The following CERS6 variants were observed in gnomAD, a reference collection of about 807,000 sequenced individuals.
CERS6 encodes the protein LAG1 homolog, ceramide synthase 6.
A neutral mutation model predicts 56.8 loss-of-function variants in CERS6; 26 were observed. The ratio of observed to expected loss-of-function variants is 0.46; its 90% CI spans 0.34 to 0.63. The LOEUF is 0.63. Ranked by LOEUF, CERS6 falls within the 30% of genes least tolerant of loss-of-function variation. The pLI is 0.01. For synonymous variants in CERS6, 164 were observed against 173.3 expected (o/e 0.95, Z 0.42); for missense variants, 415 against 467.5 (o/e 0.89, Z 1.04).
intron 3 of CERS6, 116 bp downstream of exon 3, chr2:168,561,438 G>T (rs1408403279): frequency 7.9e-6 from 9 of 1,136,870 alleles, no homozygotes; most frequent in Non-Finnish European, 1.1e-5. Context: ...GCAATCTGGT[G>T]GGAAAATAGT....
At chr2:168,579,814 G>A (rs746529337) in intron 3 of CERS6, among the ~76,000 whole-genome samples, 7 of 152,098 alleles carry the variant, frequency 4.6e-5, no homozygotes, top group Non-Finnish European at 8.8e-5. Context: ...CTCTCGCTGC[G>A]TGTCAGTGAT....
intron 3 of CERS6, among the ~76,000 whole-genome samples, chr2:168,620,182 AAAACC>A (rs1684435098): frequency 6.6e-6 from 1 of 152,024 alleles, no homozygotes; most frequent in African/African-American, 2.4e-5. Context: ...TCAGGAATGG[AAAACC>A]AAACATCGTA....
At chr2:168,555,722 CTGTGTGTGTGTGTGTGTGTGTGTGTG>C (rs58781728) in intron 2 of CERS6, among the ~76,000 whole-genome samples, 2 of 140,920 alleles carry the variant, frequency 1.4e-5, no homozygotes, top group African/African-American at 2.8e-5. Flanking sequence ...ATAATTGACT[CTGTGTGTGTGTGTGTGTGTGTGTGTG>C]TGTGTGTGTG....
chr2:168,545,987 T>G (rs1171098493), intron 1 of CERS6, among the ~76,000 whole-genome samples: 1 of 152,206 alleles, frequency 6.6e-6, no homozygotes, highest in Non-Finnish European at 1.5e-5. Context: ...AAATGCATTT[T>G]GTGGTCTTAC....
intron 1 of CERS6, among the ~76,000 whole-genome samples, chr2:168,542,040 T>C (rs1695382482): frequency 6.6e-6 from 1 of 152,222 alleles, no homozygotes; most frequent in Non-Finnish European, 1.5e-5. Context: ...CACTCTTTAC[T>C]GGTTGCTTGC....
intron 1 of CERS6, among the ~76,000 whole-genome samples, chr2:168,495,150 A>C (rs553642044): frequency 6.6e-6 from 1 of 152,178 alleles, no homozygotes; most frequent in East Asian, 1.9e-4. Context: ...ACCAAGAAAC[A>C]TAGCTTTATA....
chr2:168,566,686 A>G (rs1478497523), intron 3 of CERS6, among the ~76,000 whole-genome samples: 1 of 152,158 alleles, frequency 6.6e-6, no homozygotes, highest in East Asian at 1.9e-4. Context: ...GTGAGGTCAT[A>G]TAGGAAACAA....
At position 168,700,305 on chromosome 2, in the gene CERS6, G is replaced by A. The variant is rs570796256; in HGVS notation, c.609+5254G>A. Among the ~76,000 whole-genome samples, 11 of 152,290 alleles carry A rather than the reference G, an allele frequency of 7.2e-5. No individual in the cohort carries two copies. The South Asian group carries it at 2.3e-3, about 32-fold the overall frequency. ...TTGCCTGCTTCAGTTAGTTTTAGGG[G>A]AAAGGAAAATGCATGTTTTAATCTT... On this transcript the variant is annotated intron_variant, in intron 6 of 9. Transcript: ENST00000305747.
chr2:168,573,118 A>G (rs1358028832), intron 3 of CERS6, among the ~76,000 whole-genome samples: 1 of 152,136 alleles, frequency 6.6e-6, no homozygotes, highest in Non-Finnish European at 1.5e-5. Flanking sequence ...TGACTGGGGC[A>G]CCAAAATTTC....
intron 1 of CERS6, among the ~76,000 whole-genome samples, chr2:168,518,791 A>G (rs1297435889): frequency 6.6e-6 from 1 of 152,192 alleles, no homozygotes; most frequent in Non-Finnish European, 1.5e-5. Context: ...CTCTCCCTGC[A>G]GAGCTGATGT....
intron 8 of CERS6, among the ~76,000 whole-genome samples, chr2:168,751,705 C>A (rs944210118): frequency 6.6e-6 from 1 of 152,124 alleles, no homozygotes; most frequent in Non-Finnish European, 1.5e-5. Context: ...CTAGTTCCCC[C>A]ACCCCCATTC....
intron 8 of CERS6, among the ~76,000 whole-genome samples, chr2:168,738,194 A>C (rs78450018): frequency 0.068 from 10,349 of 152,322 alleles, 456 homozygotes; most frequent in East Asian, 0.1. Context: ...CCTCTGTGAC[A>C]AATGAAGCTG....
chr2:168,659,765 C>A (rs1379820606), intron 4 of CERS6, among the ~76,000 whole-genome samples: 1 of 152,000 alleles, frequency 6.6e-6, no homozygotes. Context: ...TTGGTCATTA[C>A]AATGTCCCTG....
At chr2:168,604,859 A>G (rs1684017035) in intron 3 of CERS6, among the ~76,000 whole-genome samples, 1 of 152,170 alleles carries the variant, frequency 6.6e-6, no homozygotes, top group African/African-American at 2.4e-5. Flanking sequence ...TTCTTTATAA[A>G]TTACTCAGTC....
intron 8 of CERS6, among the ~76,000 whole-genome samples, chr2:168,760,899 G>C (rs1278111736): frequency 6.6e-6 from 1 of 152,128 alleles, no homozygotes; most frequent in Non-Finnish European, 1.5e-5. Flanking sequence ...GGGACTACAG[G>C]CGCCCGCCAC....
intron 3 of CERS6, among the ~76,000 whole-genome samples, chr2:168,613,373 A>T (rs1684233856): frequency 6.6e-6 from 1 of 152,124 alleles, no homozygotes; most frequent in African/African-American, 2.4e-5. Flanking sequence ...AAGGCTGAGG[A>T]TGGAACCCCA....
intron 1 of CERS6, among the ~76,000 whole-genome samples, chr2:168,486,651 G>A (rs1280676910): frequency 1.3e-5 from 2 of 151,826 alleles, no homozygotes; most frequent in African/African-American, 4.8e-5. Context: ...GTGTGGGTCT[G>A]TTTCTAGACT....
chr2:168,631,734 A>T (rs1255344397), intron 4 of CERS6, among the ~76,000 whole-genome samples: 1 of 119,626 alleles, frequency 8.4e-6, no homozygotes. Context: ...TATATTATAT[A>T]TAACATAATT....
At chr2:168,573,028 G>A (rs1212308998) in intron 3 of CERS6, among the ~76,000 whole-genome samples, 1 of 152,062 alleles carries the variant, frequency 6.6e-6, no homozygotes, top group Non-Finnish European at 1.5e-5. Context: ...GGAAGGAGGA[G>A]GCAGGAAAGG....
Sources: gnomAD v4.1 joint callset for allele counts (sites outside exome capture counted in the v4.1 genomes callset) on GRCh38, gnomAD v4.1.1 for gene constraint, MANE v1.5 for transcripts, NCBI Gene and HGNC (gene_info 2026-07-23, HGNC 2026-07-21) for gene names.